Variants in AADAC observed in about 807,000 individuals in gnomAD.
AADAC encodes the protein arylacetamide deacetylase (esterase).
In AADAC, 17 loss-of-function variants were observed where a neutral mutation model predicts 22.7. The observed-to-expected ratio is 0.75, with a 90% CI of 0.51 to 1.12. AADAC has a LOEUF of 1.12. AADAC is among the 50% of genes most tolerant of loss of function. AADAC has a pLI of 0.00. For synonymous variants in AADAC, 167 were observed against 176.3 expected, an observed-to-expected ratio of 0.95 and a Z score of 0.42; for missense variants, 465 against 473.9, an observed-to-expected ratio of 0.98 and a Z score of 0.17.
rs757807342 is a variant in AADAC at position 151,827,915 on chromosome 3, C to T, written c.943C>T (p.Leu315=). 4 of 1,611,802 alleles carry T rather than the reference C, an allele frequency of 2.5e-6. No homozygotes were observed. The East Asian group carries it at 8.9e-5, about 36-fold the overall frequency. Residue 315 remains leucine, a synonymous_variant, in exon 5 of 5, where the codon CTA becomes TTA. Coordinates refer to ENST00000232892, the MANE Select transcript of AADAC (RefSeq NM_001086.3). ...GCTGGCTAAAAAATATCCAGGGTTC[C>T]TAGATGTGAGGGCAGCCCCTTTGTT... ...SELAKKYPGF[L]DVRAAPLLAD...
At chr3:151,825,251 G>A (rs568532862) in intron 4 of AADAC, among the ~76,000 whole-genome samples, 1 of 151,728 alleles carries the variant, frequency 6.6e-6, no homozygotes, top group African/African-American at 2.4e-5. Context: ...TGGCATAATA[G>A]TGTAAGTTTG....
At position 151,827,831 on chromosome 3, in the gene AADAC, C is replaced by A; in HGVS notation, c.859C>A (p.Leu287Ile). 1 of 1,613,288 alleles carries A rather than the reference C, an allele frequency of 6.2e-7. No individual in the cohort carries two copies. Among genetic ancestry groups the A allele is most frequent in the African/African-American group, 1.3e-5 (1 of 74,992 alleles). Residue 287 changes from leucine to isoleucine, a missense_variant, in exon 5 of 5, where the codon CTC (leucine) becomes ATC (isoleucine). Transcript: ENST00000232892. ...LFKFVNWSSL[L>I]PERFIKGHVY... ...CAAATTTGTTAATTGGAGTTCCCTG[C>A]TCCCTGAGAGGTTTATAAAAGGACA... is the stretch of plus-strand genomic sequence containing the variant.
rs867619972 is a variant in AADAC, at chr3:151,828,102, C to A, written c.1130C>A (p.Ser377Ter). 4 of 1,609,748 alleles carry A rather than the reference C, an allele frequency of 2.5e-6. No individual in the cohort carries two copies. Among genetic ancestry groups the A allele is most frequent in the Non-Finnish European group, 3.4e-6 (4 of 1,177,386 alleles). The stretch of plus-strand genomic sequence containing the variant: ...GAGGATGGATTCCATGGAGCATTTT[C>A]ATTTCTGGGACTTAAAATTAGTCAC... ...HVEDGFHGAF[S>*]FLGLKISHRL... Residue 377 changes from serine (S) to a stop codon, truncating the protein, a stop_gained, in exon 5 of 5, where the codon TCA becomes TAA. Coordinates refer to ENST00000232892, the MANE Select transcript of AADAC (RefSeq NM_001086.3). LOFTEE classifies it low-confidence loss of function (END_TRUNC).
chr3:151,819,236 G>C (rs1716132011), intron 2 of AADAC, among the ~76,000 whole-genome samples: 1 of 151,826 alleles, frequency 6.6e-6, no homozygotes, highest in Non-Finnish European at 1.5e-5. Flanking sequence ...GCACTGAGGT[G>C]GTCAAAAATG....
In AADAC at chr3:151,820,290, G is replaced by A; in HGVS notation, c.362-93G>A. ...TAAGGTAAAATAGAACTGCCAGAAC[G>A]TGAAAGAAGTGCAGCAGGATTTTTG... On this transcript the variant is annotated intron_variant, in intron 2 of 4. Coordinates refer to ENST00000232892, the MANE Select transcript of AADAC (RefSeq NM_001086.3). 8 of 783,466 alleles carry A rather than the reference G, an allele frequency of 1.0e-5. 1 individual carries two copies. The highest frequency in any genetic ancestry group is 2.4e-5 in the South Asian group (1 of 41,340). 48.5% of individuals were successfully genotyped at this position (783,466 alleles called of 1,614,324 possible). A position where few individuals can be genotyped will look rare whatever the true frequency, so the allele number is the denominator to read the frequency against.
At chr3:151,826,780 A>G (rs1313142171) in intron 4 of AADAC, among the ~76,000 whole-genome samples, 1 of 151,982 alleles carries the variant, frequency 6.6e-6, no homozygotes, top group Non-Finnish European at 1.5e-5. Context: ...GATGATGTTA[A>G]TAGACCATTT....
intron 3 of AADAC, among the ~76,000 whole-genome samples, chr3:151,821,236 T>C (rs1716243682): frequency 6.6e-6 from 1 of 151,966 alleles, no homozygotes; most frequent in Non-Finnish European, 1.5e-5. Flanking sequence ...GTAGGCTATA[T>C]AATTTTAAAT....
chr3:151,827,596 C>A lies in AADAC; in HGVS notation c.624C>A (p.Val208=). 4.5e-6 allele frequency: 7 copies of A among 1,572,210 alleles called. No homozygotes were observed. Among genetic ancestry groups the A allele is most frequent in the Non-Finnish European group, 6.0e-6 (7 of 1,159,176 alleles). ...CTCAGCTCCTTGATGACCCAGATGT[C>A]AAGATCAAACTCAAGATCCAGTCTT... The part of the protein sequence containing the change: ...VTQQLLDDPD[V]KIKLKIQSLI... The change falls in exon 5 of 5, where the codon GTC becomes GTA. Residue 208 remains valine (V), a synonymous_variant. Transcript: ENST00000232892.
rs1375797264 is a variant in AADAC at position 151,817,473 on chromosome 3, T to C, written c.246T>C (p.Thr82=). 3.1e-6 allele frequency: 5 copies of C among 1,613,752 alleles called. No individual in the cohort carries two copies. Among genetic ancestry groups the C allele is most frequent in the Non-Finnish European group, 4.2e-6 (5 of 1,179,694 alleles). Residue 82 remains threonine, a synonymous_variant, in exon 2 of 5, where the codon ACT becomes ACC. Coordinates refer to ENST00000232892, the MANE Select transcript of AADAC (RefSeq NM_001086.3). ...CCTCAGATGAAAATGTCACTGTGACTGAGACAAAATTCAACAACATTCTTG... is the reference window on the plus strand; with the variant it reads ...CCTCAGATGAAAATGTCACTGTGACCGAGACAAAATTCAACAACATTCTTG... ...PPTSDENVTV[T]ETKFNNILVR...
rs377143427 is a variant in AADAC, at chr3:151,824,736, C to A, written c.505C>A (p.Arg169Ser). 2 of 1,608,250 alleles carry A rather than the reference C, an allele frequency of 1.2e-6. No individual in the cohort carries two copies. The highest frequency in any genetic ancestry group is 1.1e-5 in the South Asian group (1 of 90,070). The change falls in exon 4 of 5, where the codon CGT becomes AGT. Residue 169 changes from arginine to serine, a missense_variant. Physicochemically the swap from Arg to Ser is moderately radical, Grantham distance 110. Coordinates refer to ENST00000232892, the MANE Select transcript of AADAC (RefSeq NM_001086.3). ...DVYNALRWFL[R>S]KKVLAKYGVN... ...ATATAATGCCTTAAGGTGGTTCTTACGTAAAAAAGTTCTTGCAAAATATGG... is the reference window on the plus strand; with the variant it reads ...ATATAATGCCTTAAGGTGGTTCTTAAGTAAAAAAGTTCTTGCAAAATATGG...
intron 1 of AADAC, among the ~76,000 whole-genome samples, chr3:151,815,347 A>G (rs1419394863): frequency 1.3e-5 from 2 of 152,020 alleles, no homozygotes; most frequent in Non-Finnish European, 2.9e-5. Context: ...AAAACACCCC[A>G]GCTACAGAAT....
rs181403609 is a variant in AADAC at position 151,823,046 on chromosome 3, G to A, written c.432-1617G>A. Among the ~76,000 whole-genome samples the A allele has an allele frequency of 3.4e-4, 52 of 152,026 alleles. No homozygotes were observed. In the East Asian group the frequency reaches 9.3e-3, roughly 27 times the overall value. ...TGTAATCCCAGCACTTTGGGAGGCC[G>A]AGGCAGGTGGATCATGAGATCAGGA... On this transcript the variant is annotated intron_variant, in intron 3 of 4. Transcript: ENST00000232892.
chr3:151,825,526 T>A (rs1716453482), intron 4 of AADAC, among the ~76,000 whole-genome samples: 3 of 151,982 alleles, frequency 2.0e-5, no homozygotes, highest in Non-Finnish European at 4.4e-5. Context: ...TAATCTTCGA[T>A]GGTGTATTCC....
chr3:151,816,054 A>C (rs746943096), intron 1 of AADAC, among the ~76,000 whole-genome samples: 25 of 152,076 alleles, frequency 1.6e-4, no homozygotes, highest in Non-Finnish European at 3.5e-4. Context: ...TGGATAAGAA[A>C]ATGTTATCTT....
rs75293610 is a variant in AADAC at position 151,816,118 on chromosome 3, C to G, written c.139-1248C>G. On this transcript the variant is annotated intron_variant, in intron 1 of 4. Coordinates refer to ENST00000232892, the MANE Select transcript of AADAC (RefSeq NM_001086.3). ...ACTGAGATGACTACAATAGAGTGCT[C>G]AGAACACTGACTCATTCTACAGTGA... Among the ~76,000 whole-genome samples, 784 of 152,102 alleles carry G rather than the reference C, an allele frequency of 5.2e-3. 11 individuals carry two copies. The highest frequency in any genetic ancestry group is 0.018 in the African/African-American group (757 of 41,526).
At chr3:151,827,288 G>C (rs1716538614) in intron 4 of AADAC, among the ~76,000 whole-genome samples, 1 of 151,932 alleles carries the variant, frequency 6.6e-6, no homozygotes, top group Non-Finnish European at 1.5e-5. Context: ...GCAGAAAGGA[G>C]ATTAACTTTC....
intron 4 of AADAC, 172 bp downstream of exon 4, chr3:151,825,006 T>C (rs1716419483): frequency 2.0e-6 from 1 of 498,770 alleles, no homozygotes; most frequent in Non-Finnish European, 3.3e-6. Context: ...CATTATAATA[T>C]CAATCCCTGC....
At position 151,828,125 on chromosome 3, in the gene AADAC, C is replaced by T. The variant is rs750912176; in HGVS notation, c.1153C>T (p.His385Tyr). 2 of 1,606,188 alleles carry T rather than the reference C, an allele frequency of 1.2e-6. No homozygotes were observed. Among genetic ancestry groups the T allele is most frequent in the Non-Finnish European group, 1.7e-6 (2 of 1,174,542 alleles). The change falls in exon 5 of 5, where the codon CAC becomes TAC. Residue 385 changes from histidine to tyrosine, a missense_variant. Physicochemically the swap from His to Tyr is moderately conservative, Grantham distance 83. Coordinates refer to ENST00000232892, the MANE Select transcript of AADAC (RefSeq NM_001086.3). The part of the protein sequence containing the change: ...AFSFLGLKIS[H>Y]RLINQYIEWL... ...TTCATTTCTGGGACTTAAAATTAGT[C>T]ACAGACTTATAAATCAGTATATTGA...
chr3:151,826,886 G>T lies in AADAC; in HGVS notation c.604-690G>T, dbSNP rs182017894. ...CTATTAAGTGATCCTTCTTCTTCAT[G>T]GCAAAGCTTATTGATATACTGGTAT... On this transcript the variant is annotated intron_variant, in intron 4 of 4. Coordinates refer to ENST00000232892, the MANE Select transcript of AADAC (RefSeq NM_001086.3). Among the ~76,000 whole-genome samples, 8 of 151,878 alleles carry T rather than the reference G, an allele frequency of 5.3e-5. No individual in the cohort carries two copies. In the East Asian group the frequency reaches 1.6e-3, roughly 29 times the overall value.
Sources: gnomAD v4.1 joint callset for allele counts (sites outside exome capture counted in the v4.1 genomes callset) on GRCh38, gnomAD v4.1.1 for gene constraint, MANE v1.5 for transcripts, NCBI Gene and HGNC (gene_info 2026-07-23, HGNC 2026-07-21) for gene names.